The following PIWIL4 variants were observed in gnomAD, a reference collection of about 807,000 sequenced individuals.
PIWIL4 encodes the protein piwi like RNA-mediated gene silencing 4, also known as piwi-like protein 4.
In PIWIL4, 50 loss-of-function variants were observed where a neutral mutation model predicts 100.9. That is an observed-to-expected ratio of 0.50 (90% CI 0.39 to 0.63). The LOEUF (loss-of-function observed/expected upper bound fraction) is 0.63, where lower values mean the gene tolerates loss of function less well. Ranked by LOEUF, PIWIL4 falls within the 20% of genes least tolerant of loss-of-function variation. The pLI is 0.00. For synonymous variants in PIWIL4, 342 were observed against 367.5 expected, an observed-to-expected ratio of 0.93 and a Z score of 0.79; for missense variants, 887 against 1,043.3, an observed-to-expected ratio of 0.85 and a Z score of 2.06.
At chr11:94,613,483 GA>G (rs1300090851) in intron 15 of PIWIL4, among the ~76,000 whole-genome samples, 1 of 152,120 alleles carries the variant, frequency 6.6e-6, no homozygotes, top group Non-Finnish European at 1.5e-5. Flanking sequence ...CGTGTACCTG[GA>G]TGTTCCTATC....
chr11:94,572,017 T>C (rs943276097), intron 2 of PIWIL4, among the ~76,000 whole-genome samples: 8 of 152,224 alleles, frequency 5.3e-5, no homozygotes, highest in Non-Finnish European at 7.3e-5. Flanking sequence ...GTGGTTTTGA[T>C]TTGCATTTCT....
At chr11:94,598,321 A>G (rs774129234) in intron 11 of PIWIL4, among the ~76,000 whole-genome samples, 3 of 152,180 alleles carry the variant, frequency 2.0e-5, no homozygotes, top group African/African-American at 4.8e-5. Context: ...AGCTTTTGCA[A>G]TGACTTTTAG....
chr11:94,574,362 T>C (rs1304814972), intron 2 of PIWIL4, among the ~76,000 whole-genome samples: 1 of 152,202 alleles, frequency 6.6e-6, no homozygotes, highest in Non-Finnish European at 1.5e-5. Flanking sequence ...TCTGTAATCC[T>C]TCAGGGTGTT....
At chr11:94,586,645 T>TCC (rs201885845) in intron 6 of PIWIL4, among the ~76,000 whole-genome samples, 1 of 151,742 alleles carries the variant, frequency 6.6e-6, no homozygotes, top group African/African-American at 2.4e-5. Flanking sequence ...CAGGGACATT[T>TCC]CCCCCCCCTC....
At chr11:94,578,274 T>C (rs1394881477) in intron 4 of PIWIL4, among the ~76,000 whole-genome samples, 2 of 152,330 alleles carry the variant, frequency 1.3e-5, no homozygotes, top group Admixed American at 6.5e-5. Context: ...TTAAAATTTT[T>C]ATTGACGGCT....
In PIWIL4 at chr11:94,608,584, TA is replaced by T. The variant is rs1565282054; in HGVS notation, c.1844del (p.Lys615SerfsTer3). On this transcript the variant is annotated frameshift_variant and splice_region_variant, in exon 15 of 20. Transcript: ENST00000299001. LOFTEE classifies it high-confidence loss of function. ...GGELWAVEIP[L>X]KSLMVVGIDV... ...ATCATGACAAATTTAATTTTATAGTTAAAGTCCCTGATGGTGGTCGGTATTG... is the reference window on the plus strand; with the variant it reads ...ATCATGACAAATTTAATTTTATAGTTAAGTCCCTGATGGTGGTCGGTATTG... 1 of 1,613,274 alleles carries T rather than the reference TA, an allele frequency of 6.2e-7. No individual in the cohort carries two copies. The highest frequency in any genetic ancestry group is 1.7e-5 in the Admixed American group (1 of 59,966).
At chr11:94,609,311 C>A (rs1565282371) in intron 15 of PIWIL4, among the ~76,000 whole-genome samples, 1 of 152,100 alleles carries the variant, frequency 6.6e-6, no homozygotes, top group Non-Finnish European at 1.5e-5. Flanking sequence ...TAAAAACAGG[C>A]AAAATCAGGG....
rs751974915 is a variant in PIWIL4, at chr11:94,587,146, G to C, written c.813G>C (p.Glu271Asp). 3 of 1,614,126 alleles carry C rather than the reference G, an allele frequency of 1.9e-6. No individual in the cohort carries two copies. In the African/African-American group the frequency reaches 4.0e-5, roughly 22 times the overall value. Reference sequence around the variant, plus strand: ...TGAGTTACAAAGTCCTCCGGAATGAGACGGTTCTGGAATTCATGACTGCTC... The same window carrying C: ...TGAGTTACAAAGTCCTCCGGAATGACACGGTTCTGGAATTCATGACTGCTC... ...ADVSYKVLRN[E>D]TVLEFMTALC... Residue 271 changes from glutamate to aspartate, a missense_variant, in exon 7 of 20, where the codon GAG (glutamate) becomes GAC (aspartate). By Grantham distance (45) the Glu-to-Asp change is conservative. This residue lies in a region of PIWIL4 where 741 missense variants were observed against 930.0 expected (regional missense o/e 0.80). Transcript: ENST00000299001.
chr11:94,618,422 ATACATAT>A (rs1215164081), intron 17 of PIWIL4, among the ~76,000 whole-genome samples: 1 of 152,238 alleles, frequency 6.6e-6, no homozygotes, highest in Non-Finnish European at 1.5e-5. Context: ...AAAATACTTC[ATACATAT>A]TAATATCACA....
chr11:94,577,567 A>G (rs909149330), intron 4 of PIWIL4, 75 bp downstream of exon 4: 4 of 1,092,772 alleles, frequency 3.7e-6, no homozygotes, highest in East Asian at 5.0e-5. Context: ...ACACATATAT[A>G]TGCATATGCA....
In PIWIL4 at chr11:94,608,641, T is replaced by C. The variant is rs1054777524; in HGVS notation, c.1898T>C (p.Val633Ala). 1.2e-6 allele frequency: 2 copies of C among 1,614,176 alleles called. No individual in the cohort carries two copies. Among genetic ancestry groups the C allele is most frequent in the Non-Finnish European group, 1.7e-6 (2 of 1,180,020 alleles). ...TGTAAAGATGCACTCAGCAAGGACG[T>C]GATGGTTGTTGGATGCGTGGCCAGT... ...DVCKDALSKDVMVVGCVASVN... is the reference protein window; with the variant it reads ...DVCKDALSKDAMVVGCVASVN... Residue 633 changes from valine (V) to alanine (A), a missense_variant, in exon 15 of 20, where the codon GTG becomes GCG. Physicochemically the swap from Val to Ala is moderately conservative, Grantham distance 64 (BLOSUM62 0). Transcript: ENST00000299001.
At chr11:94,609,826 C>A (rs1591802274) in intron 15 of PIWIL4, among the ~76,000 whole-genome samples, 1 of 151,924 alleles carries the variant, frequency 6.6e-6, no homozygotes, top group African/African-American at 2.4e-5. Flanking sequence ...GAAATAATTA[C>A]CACAGTCAAG....
At chr11:94,573,142 G>T (rs1305544368) in intron 2 of PIWIL4, among the ~76,000 whole-genome samples, 3 of 152,080 alleles carry the variant, frequency 2.0e-5, no homozygotes, top group Admixed American at 6.6e-5. Flanking sequence ...TGATTTTGTG[G>T]CCTGAGACTT....
chr11:94,611,071 T>C (rs1165890694), intron 15 of PIWIL4, among the ~76,000 whole-genome samples: 1 of 152,210 alleles, frequency 6.6e-6, no homozygotes, highest in East Asian at 1.9e-4. Context: ...TGTCAAAGAT[T>C]AGTTGACTGT....
intron 2 of PIWIL4, among the ~76,000 whole-genome samples, chr11:94,569,702 A>G (rs931619111): frequency 6.6e-6 from 1 of 152,096 alleles, no homozygotes; most frequent in Non-Finnish European, 1.5e-5. Context: ...TAACTGAAAT[A>G]ACTCAGAAAC....
At chr11:94,613,513 C>T (rs935462467) in intron 15 of PIWIL4, among the ~76,000 whole-genome samples, 1 of 152,196 alleles carries the variant, frequency 6.6e-6, no homozygotes, top group Admixed American at 6.5e-5. Context: ...GATTCAAGAA[C>T]ATTTTAGCCA....
At position 94,589,250 on chromosome 11, in the gene PIWIL4, G is replaced by T; in HGVS notation, c.1026+18G>T. On this transcript the variant is annotated intron_variant, in intron 8 of 19. Coordinates refer to ENST00000299001, the MANE Select transcript of PIWIL4 (RefSeq NM_152431.3). ...ACAAGCAGGTAGGACTTTTCTTCAT[G>T]CATCTCTATCTCCTTTTCTTTTACC... 1 of 1,540,652 alleles carries T rather than the reference G, an allele frequency of 6.5e-7. No individual in the cohort carries two copies. Among genetic ancestry groups the T allele is most frequent in the East Asian group, 2.3e-5 (1 of 44,360 alleles).
chr11:94,617,812 A>G (rs1214536354), intron 16 of PIWIL4, 142 bp from the exon 17 acceptor site: 1 of 818,478 alleles, frequency 1.2e-6, no homozygotes, highest in Non-Finnish European at 2.0e-6. Context: ...ATATTCTTGC[A>G]AATATAACCC....
chr11:94,602,964 T>C (rs608972), intron 12 of PIWIL4, among the ~76,000 whole-genome samples: 79,247 of 152,164 alleles, frequency 0.52, 23,451 homozygotes, highest in African/African-American at 0.82. Flanking sequence ...CTCTTTCTCA[T>C]GTGAATTCTG....
Sources: gnomAD v4.1 joint callset for allele counts (sites outside exome capture counted in the v4.1 genomes callset) on GRCh38, gnomAD v4.1.1 for gene constraint, gnomAD v4.1.1 regional missense constraint, MANE v1.5 for transcripts, NCBI Gene and HGNC (gene_info 2026-07-23, HGNC 2026-07-21) for gene names.